The following ALPK1 variants were observed in gnomAD, a reference collection of about 807,000 sequenced individuals.
ALPK1 encodes the protein alpha kinase 1.
ALPK1 carries 110 observed loss-of-function variants against 120.6 expected under a neutral mutation model. The observed-to-expected ratio is 0.91, with a 90% CI of 0.78 to 1.07. The LOEUF (loss-of-function observed/expected upper bound fraction) is 1.07, where lower values mean the gene tolerates loss of function less well. ALPK1 is among the 50% of genes least tolerant of loss of function. ALPK1 has a pLI of 0.00. For synonymous variants in ALPK1, 582 were observed against 560.3 expected (o/e 1.04, Z -0.55); for missense variants, 1,498 against 1,483.9 (o/e 1.01, Z -0.16).
chr4:112,358,769 C>T (rs1027996987), intron 2 of ALPK1: 7 of 813,742 alleles, frequency 8.6e-6, no homozygotes, highest in East Asian at 2.4e-5. Flanking sequence ...CACAGATGAA[C>T]ACGGCCAAGC....
intron 2 of ALPK1, among the ~76,000 whole-genome samples, chr4:112,344,161 T>G (rs907506957): frequency 9.2e-5 from 14 of 152,336 alleles, no homozygotes; most frequent in Admixed American, 8.5e-4. Context: ...AAACTGAAGT[T>G]TCTTCTTTTA....
At chr4:112,438,688 C>T (rs559408422) in intron 13 of ALPK1, 42 bp downstream of exon 13, 55 of 1,584,550 alleles carry the variant, frequency 3.5e-5, no homozygotes, top group Non-Finnish European at 4.5e-5. Context: ...TTCCAAATCA[C>T]ACTTGAATAT....
intron 1 of ALPK1, among the ~76,000 whole-genome samples, chr4:112,301,037 T>TC (rs979397323): frequency 5.3e-5 from 8 of 152,074 alleles, no homozygotes; most frequent in African/African-American, 1.4e-4. Flanking sequence ...TACCTTTTTT[T>TC]CTACAAAAAA....
rs1334674126 is a variant in ALPK1, at chr4:112,431,808, A to C, written c.2261A>C (p.Asn754Thr). 3 of 1,614,162 alleles carry C rather than the reference A, an allele frequency of 1.9e-6. No homozygotes were observed. The African/African-American group carries it at 4.0e-5, about 22-fold the overall frequency. The change falls in exon 11 of 16, where the codon AAC (asparagine) becomes ACC (threonine). Residue 754 changes from asparagine (N) to threonine (T), a missense_variant. Coordinates refer to ENST00000650871, the MANE Select transcript of ALPK1 (RefSeq NM_025144.4). Reference protein sequence around the residue: ...FEIIVEFPETNCDVKDRQGKE... With the variant: ...FEIIVEFPETTCDVKDRQGKE... ...ATAATTGTTGAGTTTCCAGAAACCA[A>C]CTGCGATGTCAAAGACAGGCAGGGG...
At chr4:112,428,697 G>GT (rs1734384360) in intron 9 of ALPK1, among the ~76,000 whole-genome samples, 1 of 152,140 alleles carries the variant, frequency 6.6e-6, no homozygotes, top group African/African-American at 2.4e-5. Context: ...CCCCACAACA[G>GT]AAAGTAAGCT....
intron 5 of ALPK1, chr4:112,423,631 C>G (rs550211053): frequency 4.2e-6 from 2 of 472,092 alleles, no homozygotes; most frequent in African/African-American, 2.0e-5. Flanking sequence ...CACAGGGAGG[C>G]GGCACAGCCT....
At chr4:112,376,192 A>C (rs769868111) in intron 2 of ALPK1, among the ~76,000 whole-genome samples, 1 of 152,254 alleles carries the variant, frequency 6.6e-6, no homozygotes, top group Non-Finnish European at 1.5e-5. Flanking sequence ...AGTGGCACAG[A>C]GACACCGACG....
In ALPK1 at chr4:112,435,227, G is replaced by T; in HGVS notation, c.3114G>T (p.Leu1038Phe). 6.2e-7 allele frequency: 1 copy of T among 1,613,604 alleles called. No homozygotes were observed. The highest frequency in any genetic ancestry group is 8.5e-7 in the Non-Finnish European group (1 of 1,179,840). Reference protein sequence around the residue: ...QETIVYLGDYLTVKKKGRQRN... With the variant: ...QETIVYLGDYFTVKKKGRQRN... ...CTATTGTCTATTTGGGGGACTACTT[G>T]ACTGTGAAGAAAAAAGGCAGACAAA... Residue 1038 changes from leucine to phenylalanine, a missense_variant, in exon 12 of 16, where the codon TTG (leucine) becomes TTT (phenylalanine). Transcript: ENST00000650871.
At chr4:112,438,780 C>G in intron 13 of ALPK1, 134 bp downstream of exon 13, 1 of 977,692 alleles carries the variant, frequency 1.0e-6, no homozygotes, top group East Asian at 2.5e-5. Flanking sequence ...CTGTACTTTC[C>G]AAGAGAGAAA....
chr4:112,328,167 T>A (rs1023414576), intron 2 of ALPK1, among the ~76,000 whole-genome samples: 2 of 152,264 alleles, frequency 1.3e-5, no homozygotes, highest in African/African-American at 4.8e-5. Context: ...GTTCTCTTTA[T>A]GACCACAGGC....
At position 112,432,718 on chromosome 4, in the gene ALPK1, T is replaced by A. The variant is rs1018737276; in HGVS notation, c.3034+137T>A. On this transcript the variant is annotated intron_variant, in intron 11 of 15. Coordinates refer to ENST00000650871, the MANE Select transcript of ALPK1 (RefSeq NM_025144.4). Reference sequence around the variant, plus strand: ...TATGCTTTGTGAGTTCACAGAGAAATGTATACTTCAGGGGTCTCCCTCACT... The same window carrying A: ...TATGCTTTGTGAGTTCACAGAGAAAAGTATACTTCAGGGGTCTCCCTCACT... 8 of 823,852 alleles carry A rather than the reference T, an allele frequency of 9.7e-6. No individual in the cohort carries two copies. In the African/African-American group the frequency reaches 1.4e-4, roughly 14 times the overall value. The allele number at this position is 823,852 out of a possible 1,614,324, so 51.0% of individuals were successfully genotyped here.
In ALPK1 at chr4:112,377,769, G is replaced by A. The variant is rs371056217; in HGVS notation, c.-9G>A. 8.1e-6 allele frequency: 13 copies of A among 1,603,496 alleles called. No homozygotes were observed. Among genetic ancestry groups the A allele is most frequent in the African/African-American group, 6.7e-5 (5 of 74,888 alleles). On this transcript the variant is annotated 5_prime_UTR_variant, in exon 3 of 16. Coordinates refer to ENST00000650871, the MANE Select transcript of ALPK1 (RefSeq NM_025144.4). ...TAGACCCAGGGACACCCAATTCATC[G>A]TAATCATCATGAATAATCAAAAAGT... is the stretch of plus-strand genomic sequence containing the variant.
Position 112,411,894 on chromosome 4 carries a change from ACCGGTT to A in ALPK1, c.347_352del (p.Arg116_Phe117del). 6.2e-7 allele frequency: 1 copy of A among 1,613,796 alleles called. No individual in the cohort carries two copies. Among genetic ancestry groups the A allele is most frequent in the Non-Finnish European group, 8.5e-7 (1 of 1,179,934 alleles). On this transcript the variant is annotated inframe_deletion, in exon 5 of 16. Transcript: ENST00000650871. ...GCGGCGGCTATTGTGTTCTTGGTGG[ACCGGTT>A]CCTGTATGGGCTCGACGTCTCTGGA...
intron 4 of ALPK1, among the ~76,000 whole-genome samples, chr4:112,387,135 T>C (rs1176376811): frequency 6.6e-6 from 1 of 152,182 alleles, no homozygotes; most frequent in Non-Finnish European, 1.5e-5. Flanking sequence ...GGAAAACCCA[T>C]AGAATGCTAA....
chr4:112,405,762 A>G (rs1733141247), intron 4 of ALPK1, among the ~76,000 whole-genome samples: 1 of 152,108 alleles, frequency 6.6e-6, no homozygotes, highest in Non-Finnish European at 1.5e-5. Context: ...TTTTTAGTAG[A>G]GACGGGGTTT....
chr4:112,418,106 C>G (rs1157419756), intron 5 of ALPK1, among the ~76,000 whole-genome samples: 6 of 152,118 alleles, frequency 3.9e-5, no homozygotes, highest in Admixed American at 3.9e-4. Flanking sequence ...CCACTATTCC[C>G]TGGACTCAGA....
chr4:112,409,902 C>A (rs1209212191), intron 4 of ALPK1, among the ~76,000 whole-genome samples: 1 of 151,970 alleles, frequency 6.6e-6, no homozygotes, highest in South Asian at 2.1e-4. Flanking sequence ...AGACTCAGAC[C>A]AAAAAGATAA....
chr4:112,356,659 T>G, intron 2 of ALPK1: 2 of 854,392 alleles, frequency 2.3e-6, no homozygotes, highest in Non-Finnish European at 2.0e-6. Context: ...TCTACAACAA[T>G]GTAGAAGAGA....
At chr4:112,375,242 C>T (rs1340948365) in intron 2 of ALPK1, among the ~76,000 whole-genome samples, 4 of 147,170 alleles carry the variant, frequency 2.7e-5, no homozygotes, top group African/African-American at 1.0e-4. Context: ...TGTAGAGGTG[C>T]AGTCACAGCT....
Sources: gnomAD v4.1 joint callset for allele counts (sites outside exome capture counted in the v4.1 genomes callset) on GRCh38, gnomAD v4.1.1 for gene constraint, MANE v1.5 for transcripts, NCBI Gene and HGNC (gene_info 2026-07-23, HGNC 2026-07-21) for gene names.